Variants in NTRK1 observed in about 807,000 individuals in gnomAD.
NTRK1 encodes the protein neurotrophic receptor tyrosine kinase 1.
In NTRK1, 62 loss-of-function variants were observed where a neutral mutation model predicts 86.8. The ratio of observed to expected loss-of-function variants is 0.71; its 90% CI spans 0.58 to 0.88. The LOEUF (loss-of-function observed/expected upper bound fraction) is 0.88, where lower values mean the gene tolerates loss of function less well. NTRK1 is among the 40% of genes least tolerant of loss of function. The pLI is 0.00. For synonymous variants in NTRK1, 469 were observed against 456.6 expected (o/e 1.03, Z -0.35); for missense variants, 967 against 1,078.4 (o/e 0.90, Z 1.45).
At chr1:156,817,071 C>CTCTCTCTCTCTCTCTCTCTG (rs1310563118) in intron 1 of NTRK1, among the ~76,000 whole-genome samples, 4 of 151,696 alleles carry the variant, frequency 2.6e-5, no homozygotes, top group African/African-American at 9.7e-5. Flanking sequence ...CTCTCTCTCT[C>CTCTCTCTCTCTCTCTCTCTG]TCTCATCTCT....
At chr1:156,868,439 C>T in intron 5 of NTRK1, 66 bp from the exon 6 acceptor site, 1 of 1,546,764 alleles carries the variant, frequency 6.5e-7, no homozygotes, top group Non-Finnish European at 8.7e-7. Context: ...AGCAGCCCCG[C>T]AGTAGAGTTC....
chr1:156,876,551 G>C lies in NTRK1; in HGVS notation c.1784G>C (p.Gly595Ala), dbSNP rs1647930456. The change falls in exon 14 of 17, where the codon GGG becomes GCG. Residue 595 changes from glycine (G) to alanine (A), a missense_variant. Gly to Ala is a moderately conservative substitution (Grantham distance 60, BLOSUM62 0). This residue lies in a region of NTRK1 where 637 missense variants were observed against 776.5 expected (regional missense o/e 0.82). Coordinates refer to ENST00000524377, the MANE Select transcript of NTRK1 (RefSeq NM_002529.4). ...LLMVFEYMRH[G>A]DLNRFLRSHG... ...ATGGTCTTTGAGTATATGCGGCACG[G>C]GGACCTCAACCGCTTCCTCCGGTAC... 1 of 1,612,944 alleles carries C rather than the reference G, an allele frequency of 6.2e-7. No homozygotes were observed. The highest frequency in any genetic ancestry group is 8.5e-7 in the Non-Finnish European group (1 of 1,179,894).
rs537829454 is a variant in NTRK1, at chr1:156,866,801, G to A, written c.360-109G>A. 6.5e-4 allele frequency: 772 copies of A among 1,187,004 alleles called. 12 individuals carry two copies. In the South Asian group the frequency reaches 8.9e-3, roughly 14 times the overall value. 73.5% of individuals were successfully genotyped at this position (1,187,004 alleles called of 1,614,324 possible). A position where few individuals can be genotyped will look rare whatever the true frequency, so the allele number is the denominator to read the frequency against. Reference sequence around the variant, plus strand: ...TGGTTCTGGTTGCCTAGGCCGGGGCGGGGGAGCCAGATGTCAACTTCTTTC... The same window carrying A: ...TGGTTCTGGTTGCCTAGGCCGGGGCAGGGGAGCCAGATGTCAACTTCTTTC... On this transcript the variant is annotated intron_variant, in intron 3 of 16. Transcript: ENST00000524377.
At chr1:156,861,268 A>C in intron 1 of NTRK1, 122 bp downstream of exon 1, 1 of 1,211,262 alleles carries the variant, frequency 8.3e-7, no homozygotes, top group Non-Finnish European at 1.1e-6. Context: ...GGCTGGCACC[A>C]CGCAGCCTTC....
intron 6 of NTRK1, 89 bp from the exon 7 acceptor site, chr1:156,871,534 T>A: frequency 7.0e-7 from 1 of 1,419,764 alleles, no homozygotes; most frequent in Non-Finnish European, 9.8e-7. Context: ...CCTTTCCATC[T>A]GGAGCCAGAG....
In NTRK1 at chr1:156,864,792, A is replaced by T; in HGVS notation, c.352A>T (p.Ser118Cys). 1 of 1,613,654 alleles carries T rather than the reference A, an allele frequency of 6.2e-7. No homozygotes were observed. The highest frequency in any genetic ancestry group is 8.5e-7 in the Non-Finnish European group (1 of 1,179,904). Reference protein sequence around the residue: ...PDAFHFTPRLSRLNLSFNALE... With the variant: ...PDAFHFTPRLCRLNLSFNALE... Reference sequence around the variant, plus strand: ...TGCCTTCCATTTCACTCCTCGGCTCAGTCGCCTGTGAGTGTGGCCAGTGCT... The same window carrying T: ...TGCCTTCCATTTCACTCCTCGGCTCTGTCGCCTGTGAGTGTGGCCAGTGCT... The change falls in exon 3 of 17, where the codon AGT becomes TGT. Residue 118 changes from serine (S) to cysteine (C), a missense_variant. Ser to Cys is a moderately radical substitution (Grantham distance 112, BLOSUM62 -1). Transcript: ENST00000524377.
chr1:156,875,967 A>C, intron 12 of NTRK1, 113 bp from the exon 13 acceptor site: 1 of 1,515,158 alleles, frequency 6.6e-7, no homozygotes, highest in Non-Finnish European at 9.2e-7. Flanking sequence ...GCCCCCATGC[A>C]GTCCCTCGTC....
chr1:156,865,379 T>C (rs554190210), intron 3 of NTRK1, among the ~76,000 whole-genome samples: 3 of 152,192 alleles, frequency 2.0e-5, no homozygotes, highest in African/African-American at 4.8e-5. Context: ...TATGAGGCAT[T>C]AGTTAGATTC....
intron 1 of NTRK1, among the ~76,000 whole-genome samples, chr1:156,829,633 A>T (rs1654414194): frequency 6.6e-6 from 1 of 151,010 alleles, no homozygotes; most frequent in Admixed American, 6.6e-5. Flanking sequence ...CACCCCCCAG[A>T]CTCAAACCAG....
intron 1 of NTRK1, among the ~76,000 whole-genome samples, chr1:156,837,496 G>A (rs1332719637): frequency 6.6e-6 from 1 of 152,254 alleles, no homozygotes; most frequent in Non-Finnish European, 1.5e-5. Flanking sequence ...CAGGAGATGA[G>A]CCAGGTGGTT....
intron 2 of NTRK1, chr1:156,843,580 C>T: frequency 1.6e-6 from 2 of 1,213,048 alleles, no homozygotes; most frequent in Non-Finnish European, 2.5e-6. Context: ...AGGGAAGTTA[C>T]TGACCACACC....
At chr1:156,820,527 G>A (rs1260619523) in intron 1 of NTRK1, among the ~76,000 whole-genome samples, 10 of 152,298 alleles carry the variant, frequency 6.6e-5, no homozygotes, top group South Asian at 2.1e-4. Context: ...GATTACAGGC[G>A]TGAGCCACCA....
At chr1:156,867,183 G>A (rs531276852) in intron 4 of NTRK1, among the ~76,000 whole-genome samples, 1 of 152,384 alleles carries the variant, frequency 6.6e-6, no homozygotes, top group East Asian at 1.9e-4. Flanking sequence ...TGAGGAGCTG[G>A]CCTGGATGAC....
At chr1:156,839,493 G>A (rs1250209763) in intron 1 of NTRK1, among the ~76,000 whole-genome samples, 1 of 152,330 alleles carries the variant, frequency 6.6e-6, no homozygotes, top group Admixed American at 6.5e-5. Flanking sequence ...CTGGGAGCTG[G>A]CTCTCCTGTG....
chr1:156,849,367 G>A (rs1375170187), intron 2 of NTRK1: 1 of 1,613,924 alleles, frequency 6.2e-7, no homozygotes. Flanking sequence ...TGAAGGCGAA[G>A]TAGATCTTGC....
chr1:156,876,402 A>G lies in NTRK1; in HGVS notation c.1635A>G (p.Ala545=), dbSNP rs2102919026. ...EQDKMLVAVK[A]LKEASESARQ... The stretch of plus-strand genomic sequence containing the variant: ...CTGTCCCTGCCGCTTCCATCCAGGC[A>G]CTGAAGGAGGCGTCCGAGAGTGCTC... The change falls in exon 14 of 17, where the codon GCA becomes GCG. Residue 545 remains alanine, a splice_region_variant and synonymous_variant. Transcript: ENST00000524377. 1 of 1,613,752 alleles carries G rather than the reference A, an allele frequency of 6.2e-7. No individual in the cohort carries two copies. The highest frequency in any genetic ancestry group is 8.5e-7 in the Non-Finnish European group (1 of 1,180,014).
intron 9 of NTRK1, 69 bp downstream of exon 9, chr1:156,874,469 G>C (rs2102909361): frequency 6.2e-7 from 1 of 1,613,296 alleles, no homozygotes; most frequent in Non-Finnish European, 8.5e-7. Flanking sequence ...AGAGGGTACA[G>C]CTGAACTGAT....
rs908345576 is a variant in NTRK1 at position 156,854,528 on chromosome 1, C to G, written c.51-9826C>G. Among the ~76,000 whole-genome samples the G allele has an allele frequency of 2.6e-5, 4 of 152,158 alleles. No individual in the cohort carries two copies. The highest frequency in any genetic ancestry group is 5.9e-5 in the Non-Finnish European group (4 of 68,014). ...CACAGGCAAAAATGAACTCCTGATC[C>G]TCTCTCCCAAGCCCATCTCCCCTTC... On this transcript the variant is annotated intron_variant, in intron 2 of 16. Transcript: ENST00000392302. This position sits in a 1 kb window ranked among gnomAD's most constrained non-coding sequence, Gnocchi z 4.2.
Position 156,850,534 on chromosome 1 carries a change from CTTTTTTTTTTT to C in NTRK1, c.50+8362_50+8372del, listed in dbSNP as rs35237064. ...GACCTGGATGGTAATTTAAAACATT[CTTTTTTTTTTT>C]TTTTTTTTTTTTTTTTTTTTGAGAT... On this transcript the variant is annotated intron_variant, in intron 2 of 16. Coordinates refer to the NTRK1 transcript ENST00000392302. 5.3e-4 allele frequency among the ~76,000 whole-genome samples: 31 copies of C among 58,642 alleles called. No homozygotes were observed. In the East Asian group the frequency reaches 5.4e-3, roughly 10 times the overall value. 38.5% of individuals were successfully genotyped at this position (58,642 alleles called of 152,430 possible). A position where few individuals can be genotyped will look rare whatever the true frequency, so the allele number is the denominator to read the frequency against.
Sources: gnomAD v4.1 joint callset for allele counts (sites outside exome capture counted in the v4.1 genomes callset) on GRCh38, gnomAD v4.1.1 for gene constraint, gnomAD v4.1.1 regional missense constraint, Gnocchi (gnomAD v3.1) non-coding constraint, MANE v1.5 for transcripts, NCBI Gene and HGNC (gene_info 2026-07-23, HGNC 2026-07-21) for gene names.